The following GRIK1 variants were observed in gnomAD, a reference collection of about 807,000 sequenced individuals.
GRIK1 encodes the protein glutamate ionotropic receptor kainate type subunit 1, also known as glutamate receptor ionotropic, kainate 1.
GRIK1 carries 69 observed loss-of-function variants against 105.7 expected under a neutral mutation model. That is an observed-to-expected ratio of 0.65 (90% CI 0.54 to 0.80). The LOEUF is 0.80. Ranked by LOEUF, GRIK1 falls within the 30% of genes least tolerant of loss-of-function variation. The pLI is 0.00. For missense variants in GRIK1, 1,109 were observed against 1,167.3 expected (o/e 0.95, Z 0.73); for synonymous variants, 438 against 431.3 (o/e 1.02, Z -0.19).
chr21:29,577,519 A>T (rs548832110), intron 13 of GRIK1, among the ~76,000 whole-genome samples: 2 of 152,352 alleles, frequency 1.3e-5, no homozygotes, highest in South Asian at 2.1e-4. Flanking sequence ...GTCTAAATGC[A>T]TCTTATAGTG....
chr21:29,930,576 A>C (rs1160051996), intron 1 of GRIK1, among the ~76,000 whole-genome samples: 1 of 152,198 alleles, frequency 6.6e-6, no homozygotes, highest in Non-Finnish European at 1.5e-5. Context: ...GTGACTTTTC[A>C]TTTAAAGACA....
intron 1 of GRIK1, chr21:29,749,230 C>T (rs996639752): frequency 2.6e-5 from 4 of 152,188 alleles, no homozygotes; most frequent in Non-Finnish European, 4.4e-5. Context: ...TTAGCCTTAA[C>T]TTTCTGATGA....
Position 29,826,274 on chromosome 21 carries a change from A to T in GRIK1, c.118+113109T>A, listed in dbSNP as rs564444105. Among the ~76,000 whole-genome samples the T allele has an allele frequency of 3.9e-5, 6 of 152,102 alleles. No individual in the cohort carries two copies. In the East Asian group the frequency reaches 1.2e-3, roughly 29 times the overall value. ...ATTTGATACCTGAGACTCTCTCTCA[A>T]TTGGCTCAGATCTCAAGGTGGGTAT... On this transcript the variant is annotated intron_variant, in intron 1 of 17. Transcript: ENST00000327783.
At chr21:29,656,968 A>G (rs1261701353) in intron 4 of GRIK1, among the ~76,000 whole-genome samples, 1 of 152,236 alleles carries the variant, frequency 6.6e-6, no homozygotes, top group Non-Finnish European at 1.5e-5. Flanking sequence ...GGCACACTAA[A>G]GGATGTTTTT....
intron 3 of GRIK1, among the ~76,000 whole-genome samples, chr21:29,688,522 GA>G (rs1337774511): frequency 6.6e-6 from 1 of 150,854 alleles, no homozygotes; most frequent in Non-Finnish European, 1.5e-5. Flanking sequence ...AACTCTTGGA[GA>G]AAAAAAATTC....
chr21:29,835,527 T>C (rs1379112906), intron 1 of GRIK1, among the ~76,000 whole-genome samples: 1 of 152,220 alleles, frequency 6.6e-6, no homozygotes, highest in Non-Finnish European at 1.5e-5. Flanking sequence ...AAGAGTTTGC[T>C]AGAGCCTCTG....
chr21:29,836,380 C>T (rs1036430184), intron 1 of GRIK1, among the ~76,000 whole-genome samples: 1 of 152,112 alleles, frequency 6.6e-6, no homozygotes, highest in Non-Finnish European at 1.5e-5. Context: ...CGTCCCCTGG[C>T]TTATTTGCAG....
At chr21:29,933,125 T>G (rs1417148579) in intron 1 of GRIK1, among the ~76,000 whole-genome samples, 2 of 151,244 alleles carry the variant, frequency 1.3e-5, no homozygotes, top group East Asian at 1.9e-4. Context: ...ATACTAAGTG[T>G]TTTTTTTTAT....
At chr21:29,632,575 A>G (rs2062304163) in intron 7 of GRIK1, among the ~76,000 whole-genome samples, 1 of 152,032 alleles carries the variant, frequency 6.6e-6, no homozygotes, top group African/African-American at 2.4e-5. Context: ...TCCCTCCATA[A>G]ATATGTATAT....
chr21:29,695,610 G>T (rs1397279645), intron 1 of GRIK1, among the ~76,000 whole-genome samples: 2 of 152,100 alleles, frequency 1.3e-5, no homozygotes, highest in Non-Finnish European at 2.9e-5. Flanking sequence ...GAGTAGCTGG[G>T]ATTACAGGCA....
chr21:29,623,518 C>T (rs1357931021), intron 7 of GRIK1, among the ~76,000 whole-genome samples: 1 of 151,960 alleles, frequency 6.6e-6, no homozygotes, highest in African/African-American at 2.4e-5. Context: ...GAAACCCAAG[C>T]TTAACTTAGG....
intron 16 of GRIK1, among the ~76,000 whole-genome samples, chr21:29,547,753 A>G (rs2090070951): frequency 6.6e-6 from 1 of 151,932 alleles, no homozygotes; most frequent in South Asian, 2.1e-4. Flanking sequence ...TTTTCAGGCA[A>G]AGGAAAACCT....
At chr21:29,799,569 G>T (rs763202292) in intron 1 of GRIK1, among the ~76,000 whole-genome samples, 1 of 151,990 alleles carries the variant, frequency 6.6e-6, no homozygotes, top group Admixed American at 6.6e-5. Flanking sequence ...TCACTCTGTC[G>T]CCCAGGCTGG....
intron 6 of GRIK1, among the ~76,000 whole-genome samples, chr21:29,650,709 C>T (rs2062715179): frequency 6.6e-6 from 1 of 152,228 alleles, no homozygotes; most frequent in African/African-American, 2.4e-5. Context: ...CATTTTTCCA[C>T]ACTGGCTTTG....
chr21:29,630,506 G>A (rs1019146765), intron 7 of GRIK1: 1 of 471,478 alleles, frequency 2.1e-6, no homozygotes, highest in African/African-American at 2.0e-5. Context: ...AAGGGATTTA[G>A]AAAACAGAGA....
intron 1 of GRIK1, among the ~76,000 whole-genome samples, chr21:29,880,050 T>A (rs2069346546): frequency 6.6e-6 from 1 of 152,162 alleles, no homozygotes. Flanking sequence ...AGTTTCAGAA[T>A]ACGATTTGTA....
At chr21:29,760,777 G>A (rs2065491283) in intron 1 of GRIK1, among the ~76,000 whole-genome samples, 1 of 152,176 alleles carries the variant, frequency 6.6e-6, no homozygotes, top group African/African-American at 2.4e-5. Context: ...TACAGTTAAA[G>A]CTGTAGATAT....
rs1490531289 is a variant in GRIK1 at position 29,752,245 on chromosome 21, T to A, written c.119-58182A>T. On this transcript the variant is annotated intron_variant, in intron 1 of 17. Transcript: ENST00000327783. The stretch of plus-strand genomic sequence containing the variant: ...GTCAGAGCTAGAATGGGCTGGGACT[T>A]GCTTTCATTAGTATGTGTCTAAGCA... Among the ~76,000 whole-genome samples the A allele has an allele frequency of 2.0e-5, 3 of 152,356 alleles. No homozygotes were observed. The East Asian group carries it at 5.8e-4, about 29-fold the overall frequency.
chr21:29,547,771 C>T (rs1037440252), intron 16 of GRIK1, among the ~76,000 whole-genome samples: 4 of 152,158 alleles, frequency 2.6e-5, no homozygotes, highest in African/African-American at 7.2e-5. Context: ...CCTCTTTGCA[C>T]GATTACAAAA....
Sources: allele counts gnomAD v4.1 joint callset (sites outside exome capture counted in the v4.1 genomes callset), GRCh38; gene constraint gnomAD v4.1.1; transcripts MANE v1.5; gene names NCBI Gene and HGNC (gene_info 2026-07-23, HGNC 2026-07-21).